Variants in GLRA2 observed in about 807,000 individuals in gnomAD.
GLRA2 encodes glycine receptor subunit alpha-2.
In GLRA2, 11 loss-of-function variants were observed where a neutral mutation model predicts 31.6. The observed-to-expected ratio is 0.35, with a 90% confidence interval of 0.22 to 0.58. GLRA2 has a LOEUF of 0.58. Ranked by LOEUF, GLRA2 falls within the 20% of genes least tolerant of loss-of-function variation. GLRA2 has a pLI of 0.84. For synonymous variants in GLRA2, 132 were observed against 134.0 expected (o/e 0.99, Z 0.10); for missense variants, 212 against 351.8 (o/e 0.60, Z 3.18).
chrX:14,624,266 GTCTA>G (rs1396014434), intron 7 of GLRA2, among the ~76,000 whole-genome samples: 13 of 110,834 alleles, frequency 1.2e-4, no homozygotes, highest in East Asian at 5.7e-4. Context: ...CTTGCTAGTG[GTCTA>G]TCTGTTTTGT....
intron 4 of GLRA2, among the ~76,000 whole-genome samples, chrX:14,582,068 T>TC (rs1393298732): frequency 1.7e-5 from 1 of 60,341 alleles, no homozygotes; most frequent in Non-Finnish European, 3.3e-5. Context: ...TTTTTTTTTT[T>TC]CCATATTTTT....
At chrX:14,668,818 G>A (rs993433704) in intron 7 of GLRA2, among the ~76,000 whole-genome samples, 1 of 111,574 alleles carries the variant, frequency 9.0e-6, no homozygotes, top group Non-Finnish European at 1.9e-5. Context: ...TTTTGGTGGG[G>A]AGACAGCCAA....
chrX:14,637,432 T>A (rs2090722203), intron 7 of GLRA2, among the ~76,000 whole-genome samples: 3 of 112,069 alleles, frequency 2.7e-5, no homozygotes, highest in Admixed American at 1.9e-4. Flanking sequence ...AAAAATAAAG[T>A]ATCTAAGTGA....
At chrX:14,681,229 A>G (rs1028569130) in intron 7 of GLRA2, among the ~76,000 whole-genome samples, 3 of 112,300 alleles carry the variant, frequency 2.7e-5, no homozygotes, top group Non-Finnish European at 5.6e-5. Context: ...AAAACTCACT[A>G]ATAGTACACT....
chrX:14,558,120 A>G (rs1340475829), intron 2 of GLRA2, among the ~76,000 whole-genome samples: 1 of 112,163 alleles, frequency 8.9e-6, no homozygotes, highest in Non-Finnish European at 1.9e-5. Flanking sequence ...TGGAAGATCT[A>G]AGTTGTAGTC....
chrX:14,606,484 G>A (rs1490404452), intron 5 of GLRA2, among the ~76,000 whole-genome samples: 1 of 111,557 alleles, frequency 9.0e-6, no homozygotes, highest in Non-Finnish European at 1.9e-5. Flanking sequence ...TAATTGTGAT[G>A]AGTGGGCCCA....
At chrX:14,681,810 T>C (rs1329815916) in intron 7 of GLRA2, among the ~76,000 whole-genome samples, 6 of 98,178 alleles carry the variant, frequency 6.1e-5, no homozygotes, top group African/African-American at 1.9e-4. Context: ...GAGAATCATT[T>C]GATCCTGGGA....
rs773366570 is a variant in GLRA2, at chrX:14,718,939, C to T, written c.1081-11268C>T. Among the ~76,000 whole-genome samples the T allele has an allele frequency of 4.5e-5, 5 of 111,813 alleles. No homozygotes were observed. The East Asian group carries it at 1.4e-3, about 32-fold the overall frequency. On this transcript the variant is annotated intron_variant, in intron 8 of 8. Coordinates refer to ENST00000218075, the MANE Select transcript of GLRA2 (RefSeq NM_002063.4). ...AAAGGGAGGGGACATAGACCCCTAA[C>T]TCTCAGTAGGAAGAGCTTCAAAGTC...
At chrX:14,463,161 A>C in the GLRA2 span, among the ~76,000 whole-genome samples, 2 of 111,450 alleles carry the variant, frequency 1.8e-5, no homozygotes, top group South Asian at 7.7e-4. Context: ...CTGTTTGCCT[A>C]GGTATCACCA....
intron 7 of GLRA2, among the ~76,000 whole-genome samples, chrX:14,653,444 G>C (rs1376904724): frequency 8.9e-6 from 1 of 112,010 alleles, no homozygotes; most frequent in Non-Finnish European, 1.9e-5. Flanking sequence ...AGGGGTCTGA[G>C]ACTTCAGTGG....
chrX:14,695,692 C>T (rs1207325583), intron 8 of GLRA2, among the ~76,000 whole-genome samples: 2 of 111,833 alleles, frequency 1.8e-5, no homozygotes, highest in African/African-American at 6.5e-5. Context: ...GGGAGAATGA[C>T]TATGGTTGCT....
At chrX:14,677,785 ATCT>A (rs2091159526) in intron 7 of GLRA2, among the ~76,000 whole-genome samples, 1 of 112,389 alleles carries the variant, frequency 8.9e-6, no homozygotes, top group African/African-American at 3.2e-5. Context: ...AACCAAAAAC[ATCT>A]TCTGGCACTG....
chrX:14,609,588 G>A (rs1436788812), intron 7 of GLRA2, among the ~76,000 whole-genome samples: 2 of 110,963 alleles, frequency 1.8e-5, no homozygotes, highest in Admixed American at 1.9e-4. Context: ...TGAAACTATT[G>A]CAATTCATAT....
At chrX:14,549,619 G>A (rs1297038369) in intron 2 of GLRA2, among the ~76,000 whole-genome samples, 1 of 111,569 alleles carries the variant, frequency 9.0e-6, no homozygotes, top group Non-Finnish European at 1.9e-5. Flanking sequence ...AATAGAAAGA[G>A]TAATGTTTGA....
the GLRA2 span, among the ~76,000 whole-genome samples, chrX:14,490,433 T>G: frequency 2.1e-4 from 24 of 112,082 alleles, no homozygotes; most frequent in Non-Finnish European, 4.1e-4. Flanking sequence ...ATAGTCAAAT[T>G]AATTGGAAAA....
At chrX:14,455,594 G>A in the GLRA2 span, among the ~76,000 whole-genome samples, 4 of 111,130 alleles carry the variant, frequency 3.6e-5, no homozygotes, top group African/African-American at 9.8e-5. Context: ...TTCATGGTAG[G>A]GATCATTGTC....
chrX:14,514,249 G>A, the GLRA2 span, among the ~76,000 whole-genome samples: 49 of 109,386 alleles, frequency 4.5e-4, no homozygotes, highest in Admixed American at 3.5e-3. Flanking sequence ...TTGGGGACTC[G>A]GGGGAAAGGG....
chrX:14,449,717 C>G, the GLRA2 span, among the ~76,000 whole-genome samples: 2 of 112,320 alleles, frequency 1.8e-5, no homozygotes, highest in Non-Finnish European at 3.8e-5. Context: ...AGCACCCCAG[C>G]CCCCATCCTG....
chrX:14,659,579 G>A (rs1000606852), intron 7 of GLRA2, among the ~76,000 whole-genome samples: 2 of 111,200 alleles, frequency 1.8e-5, no homozygotes, highest in African/African-American at 6.5e-5. Context: ...TGCTGAGTTA[G>A]CTGGAGGGTT....
Sources: allele counts gnomAD v4.1 joint callset (sites outside exome capture counted in the v4.1 genomes callset), GRCh38; gene constraint gnomAD v4.1.1; transcripts MANE v1.5; gene names NCBI Gene and HGNC (gene_info 2026-07-23, HGNC 2026-07-21).